The following CELF2 variants were observed in gnomAD, a reference collection of about 807,000 sequenced individuals.
The protein encoded by CELF2 is CUGBP Elav-like family member 2.
A neutral mutation model predicts 62.6 loss-of-function variants in CELF2; 8 were observed. The observed-to-expected ratio is 0.13, with a 90% CI of 0.07 to 0.23. CELF2 has a LOEUF of 0.23. Among genes scored for constraint, CELF2 ranks in the 10% least tolerant of loss-of-function variants. The probability of loss-of-function intolerance (pLI) is 1.00; values close to 1 mark genes in which losing one functional copy is unlikely to be tolerated. For synonymous variants in CELF2, 258 were observed against 250.0 expected, an observed-to-expected ratio of 1.03 and a Z score of -0.30; for missense variants, 333 against 671.0, an observed-to-expected ratio of 0.50 and a Z score of 5.56.
At chr10:11,209,677 A>G (rs2061324438) in intron 2 of CELF2, among the ~76,000 whole-genome samples, 1 of 150,650 alleles carries the variant, frequency 6.6e-6, no homozygotes, top group African/African-American at 2.4e-5. Flanking sequence ...AAGTGAAAGT[A>G]GGGGGTCCTG....
At chr10:10,803,836 T>A (rs1482891301) in intron 1 of CELF2, among the ~76,000 whole-genome samples, 1 of 152,226 alleles carries the variant, frequency 6.6e-6, no homozygotes, top group Non-Finnish European at 1.5e-5. Flanking sequence ...AATGAATGAA[T>A]GAGTGAAGGA....
intron 3 of CELF2, among the ~76,000 whole-genome samples, chr10:11,231,427 G>T (rs1036029280): frequency 6.6e-6 from 1 of 152,210 alleles, no homozygotes; most frequent in Non-Finnish European, 1.5e-5. Context: ...TGTGGAACAG[G>T]AAGCAGAGTG....
In CELF2 at chr10:11,331,862, C is replaced by T. The variant is rs932626388; in HGVS notation, c.*2809C>T. 1 of 152,612 alleles carries T rather than the reference C, an allele frequency of 6.6e-6. No individual in the cohort carries two copies. The highest frequency in any genetic ancestry group is 1.5e-5 in the Non-Finnish European group (1 of 68,028). The allele number at this position is 152,612 out of a possible 1,614,324, so 9.5% of individuals were successfully genotyped here. ...AACTTTTAACCCTTTCTACCCAGAG[C>T]TATCTGGAATGTTGATGACTTTTTA... On this transcript the variant is annotated 3_prime_UTR_variant, in exon 13 of 13. Coordinates refer to ENST00000633077, the MANE Select transcript of CELF2 (RefSeq NM_001326342.2).
intron 1 of CELF2, among the ~76,000 whole-genome samples, chr10:10,811,190 G>A (rs1239449230): frequency 6.6e-6 from 1 of 152,224 alleles, no homozygotes; most frequent in East Asian, 1.9e-4. Context: ...CTGAGTCACA[G>A]CAGCAGATAA....
At chr10:10,814,207 A>G (rs1436988310) in intron 1 of CELF2, among the ~76,000 whole-genome samples, 5 of 130,022 alleles carry the variant, frequency 3.8e-5, no homozygotes, top group Non-Finnish European at 8.0e-5. Flanking sequence ...AAGGGAAAGA[A>G]GAGTCCTAAA....
intron 2 of CELF2, among the ~76,000 whole-genome samples, chr10:11,195,737 C>G (rs750840210): frequency 2.7e-4 from 41 of 152,324 alleles, no homozygotes; most frequent in South Asian, 8.3e-4. Context: ...AAGGCTGTGG[C>G]CTGCCTGGTG....
the CELF2 span, among the ~76,000 whole-genome samples, chr10:10,620,232 T>C: frequency 1.3e-5 from 2 of 152,160 alleles, no homozygotes; most frequent in Non-Finnish European, 2.9e-5. Context: ...CTAAGGCTGC[T>C]TTCACAACAG....
At chr10:10,585,147 C>T in the CELF2 span, among the ~76,000 whole-genome samples, 1 of 152,242 alleles carries the variant, frequency 6.6e-6, no homozygotes, top group South Asian at 2.1e-4. Flanking sequence ...CAGTAAGATG[C>T]TCCTACTAAT....
intron 2 of CELF2, among the ~76,000 whole-genome samples, chr10:11,188,190 CCGCCTCCT>C (rs2134323043): frequency 6.6e-6 from 1 of 152,352 alleles, no homozygotes; most frequent in African/African-American, 2.4e-5. Context: ...ACCGCAACCT[CCGCCTCCT>C]GGGTTCAAGT....
intron 1 of CELF2, among the ~76,000 whole-genome samples, chr10:11,125,282 G>C (rs1353033169): frequency 6.6e-6 from 1 of 152,156 alleles, no homozygotes; most frequent in African/African-American, 2.4e-5. Flanking sequence ...AGAATAGTCA[G>C]TTCTCTTGTT....
At chr10:10,653,349 G>A in the CELF2 span, among the ~76,000 whole-genome samples, 1 of 148,944 alleles carries the variant, frequency 6.7e-6, no homozygotes, top group African/African-American at 2.5e-5. Context: ...ATTGAACTCA[G>A]CTCTGCACCA....
chr10:10,722,995 A>C, the CELF2 span, among the ~76,000 whole-genome samples: 2 of 152,202 alleles, frequency 1.3e-5, no homozygotes, highest in East Asian at 3.8e-4. Context: ...TTCGATTAAA[A>C]GGAAGTGTGA....
chr10:10,609,814 G>A, the CELF2 span, among the ~76,000 whole-genome samples: 13 of 152,148 alleles, frequency 8.5e-5, no homozygotes, highest in Admixed American at 3.9e-4. Flanking sequence ...ATCTGCTAAC[G>A]TGCTAAAACA....
At position 10,967,465 on chromosome 10, in the gene CELF2, C is replaced by G. The variant is rs146565632; in HGVS notation, c.89+47466C>G. Among the ~76,000 whole-genome samples the G allele has an allele frequency of 3.8e-3, 576 of 151,966 alleles. 4 individuals carry two copies. The highest frequency in any genetic ancestry group is 0.013 in the African/African-American group (545 of 41,328). ...TCCCAGTACTTTGAGAAGTAGGCATCGAGAGGGAAATAAACATGCAAGGAT... is the reference window on the plus strand; with the variant it reads ...TCCCAGTACTTTGAGAAGTAGGCATGGAGAGGGAAATAAACATGCAAGGAT... On this transcript the variant is annotated intron_variant, in intron 2 of 13. Transcript: ENST00000636488.
At chr10:10,893,993 G>T (rs2062354303) in intron 1 of CELF2, among the ~76,000 whole-genome samples, 1 of 152,114 alleles carries the variant, frequency 6.6e-6, no homozygotes, top group African/African-American at 2.4e-5. Context: ...ATGGTTTCTG[G>T]AATCAGAGAG....
intron 1 of CELF2, among the ~76,000 whole-genome samples, chr10:11,072,817 C>CT (rs11370125): frequency 0.21 from 30,769 of 148,414 alleles, 3,205 homozygotes; most frequent in Middle Eastern, 0.29. Flanking sequence ...CCTGATTTCC[C>CT]TTTTTTTTTT....
chr10:11,071,642 C>T (rs1031547487), intron 1 of CELF2: 12 of 152,180 alleles, frequency 7.9e-5, no homozygotes, highest in South Asian at 6.2e-4. Context: ...CTTTCTTCCC[C>T]GCTGTTGCCT....
chr10:11,095,908 A>G (rs148446763), intron 1 of CELF2, among the ~76,000 whole-genome samples: 2 of 151,842 alleles, frequency 1.3e-5, no homozygotes, highest in East Asian at 3.9e-4. Context: ...AAGGAAAACT[A>G]TATTTAAAAA....
chr10:10,496,182 A>G, the CELF2 span, among the ~76,000 whole-genome samples: 1 of 152,220 alleles, frequency 6.6e-6, no homozygotes, highest in Admixed American at 6.5e-5. Context: ...CTTGAAGGAG[A>G]CAAACTCAGA....
Sources: allele counts gnomAD v4.1 joint callset (sites outside exome capture counted in the v4.1 genomes callset), GRCh38; gene constraint gnomAD v4.1.1; transcripts MANE v1.5; gene names NCBI Gene and HGNC (gene_info 2026-07-23, HGNC 2026-07-21).